The following CFAP97D2 variants were observed in gnomAD, a reference collection of about 807,000 sequenced individuals.
CFAP97D2 encodes the protein uncharacterized protein CFAP97D2.
intron 1 of CFAP97D2, among the ~76,000 whole-genome samples, chr13:114,182,433 A>G (rs1018006241): frequency 1.3e-5 from 2 of 151,728 alleles, no homozygotes; most frequent in Admixed American, 6.6e-5. Flanking sequence ...GCCTTCCTCT[A>G]TCTCAACTGC....
intron 4 of CFAP97D2, among the ~76,000 whole-genome samples, chr13:114,217,795 T>C (rs576836377): frequency 6.6e-6 from 1 of 152,296 alleles, no homozygotes; most frequent in African/African-American, 2.4e-5. Flanking sequence ...TCTCAATAGA[T>C]ACAGAAAAGG....
At chr13:114,209,883 T>G (rs763624032) in intron 3 of CFAP97D2, among the ~76,000 whole-genome samples, 33 of 152,344 alleles carry the variant, frequency 2.2e-4, no homozygotes, top group Non-Finnish European at 4.1e-4. Context: ...TAAATATTTG[T>G]TGAATGACTG....
chr13:114,192,261 C>T (rs1045668259), intron 1 of CFAP97D2, among the ~76,000 whole-genome samples: 1 of 151,950 alleles, frequency 6.6e-6, no homozygotes, highest in Non-Finnish European at 1.5e-5. Context: ...GTAGGTTCAT[C>T]GATTGTAACA....
At chr13:114,191,189 A>T (rs371067744) in intron 1 of CFAP97D2, among the ~76,000 whole-genome samples, 1 of 152,104 alleles carries the variant, frequency 6.6e-6, no homozygotes, top group East Asian at 1.9e-4. Flanking sequence ...TTTTTTTTTA[A>T]ATCAGCAAGC....
intron 4 of CFAP97D2, among the ~76,000 whole-genome samples, chr13:114,212,844 T>G (rs1199870809): frequency 6.6e-6 from 1 of 151,410 alleles, no homozygotes; most frequent in Non-Finnish European, 1.5e-5. Context: ...AGATCGAGAC[T>G]CCGTCTCAAA....
rs2080862181 is a variant in CFAP97D2 at position 114,189,578 on chromosome 13, A to G, written c.91-6818A>G. On this transcript the variant is annotated intron_variant, in intron 1 of 4. Transcript: ENST00000646158. This position sits in a 1 kb window ranked among gnomAD's most constrained non-coding sequence, Gnocchi z 4.5. ...AACATTGATGCAAAAATCCACAGCA[A>G]AACTTAGCAAATTCGATTAAAAGTG... Among the ~76,000 whole-genome samples the G allele has an allele frequency of 6.6e-6, 1 of 152,200 alleles. No individual in the cohort carries two copies. Among genetic ancestry groups the G allele is most frequent in the Non-Finnish European group, 1.5e-5 (1 of 68,034 alleles).
At chr13:114,188,893 A>C (rs1407921692) in intron 1 of CFAP97D2, among the ~76,000 whole-genome samples, 1 of 151,046 alleles carries the variant, frequency 6.6e-6, no homozygotes, top group African/African-American at 2.4e-5. Flanking sequence ...CGATAGAGAA[A>C]AATCAATAAA....
At chr13:114,208,335 G>A (rs1400715030) in intron 3 of CFAP97D2, among the ~76,000 whole-genome samples, 1 of 152,204 alleles carries the variant, frequency 6.6e-6, no homozygotes, top group Non-Finnish European at 1.5e-5. Context: ...ACCTGCTTTG[G>A]AAGAATGGTG....
chr13:114,185,697 C>T lies in CFAP97D2; in HGVS notation c.90+6277C>T, dbSNP rs2080851726. On this transcript the variant is annotated intron_variant, in intron 1 of 4. Transcript: ENST00000646158. This position sits in a 1 kb window ranked among gnomAD's most constrained non-coding sequence, Gnocchi z 5.2. The stretch of plus-strand genomic sequence containing the variant: ...TTGGGGCCAAGCCCAGGCACTGTCA[C>T]AGCCCGGCTGGGTGTGCCCACACTT... 6.6e-6 allele frequency among the ~76,000 whole-genome samples: 1 copy of T among 152,260 alleles called. No individual in the cohort carries two copies. The highest frequency in any genetic ancestry group is 2.4e-5 in the African/African-American group (1 of 41,482).
intron 4 of CFAP97D2, among the ~76,000 whole-genome samples, chr13:114,215,294 G>A (rs559716730): frequency 2.4e-4 from 37 of 152,114 alleles, no homozygotes; most frequent in South Asian, 1.9e-3. Context: ...GTTACTTTTC[G>A]TTATTAATCT....
intron 1 of CFAP97D2, among the ~76,000 whole-genome samples, chr13:114,182,510 A>G (rs186150046): frequency 0.031 from 4,527 of 147,780 alleles, 142 homozygotes; most frequent in Middle Eastern, 0.12. Context: ...GCTGGGGTAC[A>G]GTCAGGTCTT....
downstream of CFAP97D2, chr13:114,223,075 T>C (rs2081027739): frequency 6.6e-6 from 1 of 152,198 alleles, no homozygotes; most frequent in South Asian, 2.1e-4. Flanking sequence ...TTTTTGAACG[T>C]GATGAAACTA....
chr13:114,182,955 C>T (rs960214343), intron 1 of CFAP97D2, among the ~76,000 whole-genome samples: 3 of 152,158 alleles, frequency 2.0e-5, no homozygotes, highest in African/African-American at 7.2e-5. Flanking sequence ...ACGGTGTCAA[C>T]TCCAGCCTTG....
At chr13:114,181,351 G>A (rs1269361963) in intron 1 of CFAP97D2, among the ~76,000 whole-genome samples, 1 of 152,216 alleles carries the variant, frequency 6.6e-6, no homozygotes, top group African/African-American at 2.4e-5. Context: ...TCCTGGCAGG[G>A]GTATGCTGAG....
rs2080945506 is a variant in CFAP97D2 at position 114,207,334 on chromosome 13, G to C, written c.291-4578G>C. 6.6e-6 allele frequency among the ~76,000 whole-genome samples: 1 copy of C among 152,180 alleles called. No homozygotes were observed. Among genetic ancestry groups the C allele is most frequent in the Admixed American group, 6.5e-5 (1 of 15,272 alleles). On this transcript the variant is annotated intron_variant, in intron 3 of 4. Coordinates refer to ENST00000646158, the Ensembl canonical transcript of CFAP97D2. This position sits in a 1 kb window ranked among gnomAD's most constrained non-coding sequence, Gnocchi z 4.9. Reference sequence around the variant, plus strand: ...GAGGGGTCCCGTTCTTGTGAAGCTTGATATTACATTGTAATATAGAATGAA... The same window carrying C: ...GAGGGGTCCCGTTCTTGTGAAGCTTCATATTACATTGTAATATAGAATGAA...
At chr13:114,196,741 G>A (rs543145188) in intron 2 of CFAP97D2, among the ~76,000 whole-genome samples, 1 of 152,314 alleles carries the variant, frequency 6.6e-6, no homozygotes, top group East Asian at 1.9e-4. Flanking sequence ...ATTTTGCCAA[G>A]TTTAAGGATC....
intron 1 of CFAP97D2, among the ~76,000 whole-genome samples, chr13:114,188,763 C>G (rs560332516): frequency 2.2e-5 from 3 of 134,452 alleles, no homozygotes; most frequent in East Asian, 4.4e-4. Context: ...GGCAACAGAG[C>G]GAGACTCAAT....
chr13:114,206,097 T>A (rs2080938833), intron 3 of CFAP97D2, among the ~76,000 whole-genome samples: 1 of 148,636 alleles, frequency 6.7e-6, no homozygotes, highest in Non-Finnish European at 1.5e-5. Context: ...TAGCTTTTTT[T>A]CTTTTCCTTT....
chr13:114,197,594 C>T (rs574691482), intron 2 of CFAP97D2, among the ~76,000 whole-genome samples: 1 of 152,310 alleles, frequency 6.6e-6, no homozygotes, highest in South Asian at 2.1e-4. Flanking sequence ...AGTGGATTCA[C>T]AGTGACAATT....
Sources: gnomAD v4.1 joint callset for allele counts (sites outside exome capture counted in the v4.1 genomes callset) on GRCh38, gnomAD v4.1.1 for gene constraint, Gnocchi (gnomAD v3.1) non-coding constraint, MANE v1.5 for transcripts, NCBI Gene and HGNC (gene_info 2026-07-23, HGNC 2026-07-21) for gene names.